The following TPRG1 variants were observed in gnomAD, a reference collection of about 807,000 sequenced individuals.
TPRG1 encodes the protein tumor protein p63 regulated 1, also known as tumor protein p63-regulated gene 1 protein.
In TPRG1, 29 loss-of-function variants were observed where a neutral mutation model predicts 29.3. That is an observed-to-expected ratio of 0.99 (90% CI 0.74 to 1.35). The LOEUF is 1.35. Ranked by LOEUF, TPRG1 falls within the 40% of genes most tolerant of loss-of-function variation. The pLI, the probability that TPRG1 is intolerant of heterozygous loss-of-function variation, is 0.00. For missense variants in TPRG1, 327 were observed against 335.0 expected (o/e 0.98, Z 0.19); for synonymous variants, 130 against 116.8 (o/e 1.11, Z -0.73).
chr3:189,019,276 G>A (rs1405854306), intron 3 of TPRG1, among the ~76,000 whole-genome samples: 4 of 152,070 alleles, frequency 2.6e-5, no homozygotes, highest in Admixed American at 6.5e-5. Context: ...ATGTTGAATA[G>A]GAGTCGTGAG....
rs531724244 is a variant in TPRG1, at chr3:189,044,551, G to A, written c.-463+20605G>A. Reference sequence around the variant, plus strand: ...GCCTGGGTGATAAGAGCAAAACTCCGTCTCAAAAAAAAAAAAAAAGTGAGC... The same window carrying A: ...GCCTGGGTGATAAGAGCAAAACTCCATCTCAAAAAAAAAAAAAAAGTGAGC... On this transcript the variant is annotated intron_variant, in intron 4 of 10. Coordinates refer to the TPRG1 transcript ENST00000433971. Among the ~76,000 whole-genome samples the A allele has an allele frequency of 8.3e-5, 12 of 145,132 alleles. No individual in the cohort carries two copies. The East Asian group carries it at 1.4e-3, about 17-fold the overall frequency.
At chr3:189,129,469 T>C (rs1325396737) in intron 2 of TPRG1, among the ~76,000 whole-genome samples, 1 of 152,202 alleles carries the variant, frequency 6.6e-6, no homozygotes, top group East Asian at 1.9e-4. Flanking sequence ...ATTTTTCCAC[T>C]GTAAATTTGC....
intron 1 of TPRG1, among the ~76,000 whole-genome samples, chr3:188,997,967 C>G (rs180872444): frequency 6.6e-6 from 1 of 151,906 alleles, no homozygotes; most frequent in African/African-American, 2.4e-5. Flanking sequence ...TTACCCTTGC[C>G]AGAGAAAAAA....
intron 4 of TPRG1, among the ~76,000 whole-genome samples, chr3:189,049,258 C>A (rs948100464): frequency 1.3e-5 from 2 of 152,172 alleles, no homozygotes; most frequent in African/African-American, 2.4e-5. Context: ...AGTTTTCAAG[C>A]CCCTCTCGCC....
At chr3:189,097,217 G>T (rs559133729), upstream of TPRG1, among the ~76,000 whole-genome samples, 1 of 152,094 alleles carries the variant, frequency 6.6e-6, no homozygotes, top group Non-Finnish European at 1.5e-5. Flanking sequence ...AAGTATTGGG[G>T]AGCTGTTAAG....
At chr3:189,061,412 A>T (rs1578265994) in intron 4 of TPRG1, among the ~76,000 whole-genome samples, 1 of 152,358 alleles carries the variant, frequency 6.6e-6, no homozygotes. Context: ...TGCCAAAAGC[A>T]ATTTCAACAA....
At chr3:189,215,839 C>A (rs1049390173) in intron 3 of TPRG1, among the ~76,000 whole-genome samples, 5 of 151,994 alleles carry the variant, frequency 3.3e-5, no homozygotes, top group Non-Finnish European at 5.9e-5. Flanking sequence ...ACAGAAAAAC[C>A]AGGGAAATCA....
At chr3:189,243,560 C>G (rs1471545147) in intron 4 of TPRG1, among the ~76,000 whole-genome samples, 1 of 151,878 alleles carries the variant, frequency 6.6e-6, no homozygotes, top group Non-Finnish European at 1.5e-5. Flanking sequence ...TTTTTTCCTA[C>G]CATATGGCCA....
At chr3:189,084,530 AT>A (rs1032295306) in intron 4 of TPRG1, among the ~76,000 whole-genome samples, 51 of 152,324 alleles carry the variant, frequency 3.3e-4, no homozygotes, top group African/African-American at 1.1e-3. Flanking sequence ...TTTTCCATGT[AT>A]GCAACTTAAA....
chr3:189,315,104 A>G (rs1400602030), intron 5 of TPRG1, among the ~76,000 whole-genome samples: 1 of 152,154 alleles, frequency 6.6e-6, no homozygotes, highest in Admixed American at 6.5e-5. Flanking sequence ...GTCTGCAGTG[A>G]GCTGTGATTA....
chr3:189,037,473 A>C (rs527741901), intron 4 of TPRG1, among the ~76,000 whole-genome samples: 13 of 152,078 alleles, frequency 8.5e-5, no homozygotes, highest in African/African-American at 3.1e-4. Flanking sequence ...AATCAGGCAT[A>C]AATGAGAACC....
chr3:189,037,018 A>C (rs1420784269), intron 4 of TPRG1, among the ~76,000 whole-genome samples: 1 of 133,276 alleles, frequency 7.5e-6, no homozygotes, highest in Non-Finnish European at 1.6e-5. Context: ...CAAATGATTT[A>C]TAAGTGACTT....
chr3:189,080,710 G>T (rs1046484734), intron 4 of TPRG1, among the ~76,000 whole-genome samples: 1 of 152,088 alleles, frequency 6.6e-6, no homozygotes, highest in Non-Finnish European at 1.5e-5. Context: ...GGACCTAAAA[G>T]ATAAAAAACA....
intron 2 of TPRG1, among the ~76,000 whole-genome samples, chr3:189,129,894 G>T (rs1291017605): frequency 6.6e-6 from 1 of 152,112 alleles, no homozygotes; most frequent in African/African-American, 2.4e-5. Flanking sequence ...TCTATACAGG[G>T]CCTTGTGTTA....
At chr3:189,100,397 A>G (rs1289534493) in intron 1 of TPRG1, among the ~76,000 whole-genome samples, 1 of 152,174 alleles carries the variant, frequency 6.6e-6, no homozygotes, top group Admixed American at 6.5e-5. Context: ...GGTCATCTCC[A>G]ATCTCACCTC....
chr3:189,177,931 G>C (rs116571222), intron 1 of TPRG1, among the ~76,000 whole-genome samples: 1 of 152,144 alleles, frequency 6.6e-6, no homozygotes, highest in African/African-American at 2.4e-5. Context: ...AGTAGCCAGC[G>C]TGCTGGGTGG....
chr3:189,010,481 G>A (rs1008891104), intron 3 of TPRG1, among the ~76,000 whole-genome samples: 1 of 152,130 alleles, frequency 6.6e-6, no homozygotes, highest in Non-Finnish European at 1.5e-5. Flanking sequence ...GCCATGACTG[G>A]TGTGAGATGG....
chr3:189,162,431 C>T (rs192385121), intron 5 of TPRG1, among the ~76,000 whole-genome samples: 2 of 152,230 alleles, frequency 1.3e-5, no homozygotes, highest in Non-Finnish European at 1.5e-5. Context: ...ACTGTTGTTA[C>T]GAGTCTTTAA....
chr3:189,195,993 G>A (rs141848152), intron 1 of TPRG1, among the ~76,000 whole-genome samples: 1 of 152,106 alleles, frequency 6.6e-6, no homozygotes, highest in African/African-American at 2.4e-5. Flanking sequence ...AGAGTGCTAG[G>A]GGGCTTCTAG....
Sources: allele counts gnomAD v4.1 joint callset (sites outside exome capture counted in the v4.1 genomes callset), GRCh38; gene constraint gnomAD v4.1.1; transcripts MANE v1.5; gene names NCBI Gene and HGNC (gene_info 2026-07-23, HGNC 2026-07-21).